The following VAV2 variants were observed in gnomAD, a reference collection of about 807,000 sequenced individuals.
VAV2 encodes guanine nucleotide exchange factor VAV2.
VAV2 carries 67 observed loss-of-function variants against 132.5 expected under a neutral mutation model. The ratio of observed to expected loss-of-function variants is 0.51; its 90% CI spans 0.42 to 0.62. VAV2 has a LOEUF of 0.62. Among genes scored for constraint, VAV2 ranks in the 20% least tolerant of loss-of-function variants. VAV2 has a pLI of 0.00. For missense variants in VAV2, 938 were observed against 1,153.6 expected, an observed-to-expected ratio of 0.81 and a Z score of 2.71; for synonymous variants, 492 against 443.5, an observed-to-expected ratio of 1.11 and a Z score of -1.37.
intron 1 of VAV2, among the ~76,000 whole-genome samples, chr9:133,979,450 G>A (rs1458697948): frequency 6.6e-6 from 1 of 152,212 alleles, no homozygotes; most frequent in Non-Finnish European, 1.5e-5. Context: ...GGGTCCCCAG[G>A]CAGGGGCTGC....
intron 2 of VAV2, among the ~76,000 whole-genome samples, chr9:133,913,881 G>A (rs1839966874): frequency 6.6e-6 from 1 of 152,208 alleles, no homozygotes; most frequent in African/African-American, 2.4e-5. Flanking sequence ...GGTGGAGCCC[G>A]CAGCAGACAG....
Position 133,771,956 on chromosome 9 carries a change from T to G in VAV2, c.2223+3A>C. On this transcript the variant is annotated splice_donor_region_variant and intron_variant, in intron 26 of 29. Transcript: ENST00000371850. ...GAGCCGGCCGGAGCCAGAAGTCACC[T>G]ACCAGGAGGCTGTCGAATTTCTTGG... 6.3e-7 allele frequency: 1 copy of G among 1,587,242 alleles called. No individual in the cohort carries two copies. Among genetic ancestry groups the G allele is most frequent in the Non-Finnish European group, 8.6e-7 (1 of 1,162,798 alleles).
Position 133,824,972 on chromosome 9 carries a change from C to T in VAV2, c.449+9300G>A, listed in dbSNP as rs1442115229. 2.0e-5 allele frequency among the ~76,000 whole-genome samples: 3 copies of T among 152,212 alleles called. No homozygotes were observed. Among genetic ancestry groups the T allele is most frequent in the Non-Finnish European group, 4.4e-5 (3 of 68,036 alleles). The stretch of plus-strand genomic sequence containing the variant: ...CGCTGGCTTCATTCACTCCATTCTG[C>T]CAGTCCCCACAGAGGCCTGGCCTCA... On this transcript the variant is annotated intron_variant, in intron 4 of 29. Transcript: ENST00000371850. The surrounding 1 kb of genome is among the most constrained non-coding windows in gnomAD (Gnocchi z 5.2).
In VAV2 at chr9:133,885,159, T is replaced by G. The variant is rs1588312467; in HGVS notation, c.322-23727A>C. Among the ~76,000 whole-genome samples the G allele has an allele frequency of 6.6e-6, 1 of 152,338 alleles. No homozygotes were observed. Among genetic ancestry groups the G allele is most frequent in the East Asian group, 1.9e-4 (1 of 5,186 alleles). ...AATGCATGAATCTTCTCTGAACCAG[T>G]GACTTCATTTGCTCCAGTGTCCTGC... On this transcript the variant is annotated intron_variant, in intron 2 of 29. Transcript: ENST00000371850. The surrounding 1 kb of genome is among the most constrained non-coding windows in gnomAD (Gnocchi z 5.0).
At chr9:133,908,681 G>A (rs529826128) in intron 2 of VAV2, among the ~76,000 whole-genome samples, 1 of 152,378 alleles carries the variant, frequency 6.6e-6, no homozygotes, top group East Asian at 1.9e-4. Flanking sequence ...GCAGGCTGTA[G>A]TGGGTCTGCG....
At chr9:133,963,242 A>G (rs1842021294) in intron 1 of VAV2, among the ~76,000 whole-genome samples, 1 of 152,182 alleles carries the variant, frequency 6.6e-6, no homozygotes, top group Admixed American at 6.5e-5. Context: ...TCAATTAATG[A>G]TCAGTCAATC....
At chr9:133,939,315 C>G (rs1227242287) in intron 1 of VAV2, 96 bp from the exon 2 acceptor site, 9 of 1,084,198 alleles carry the variant, frequency 8.3e-6, no homozygotes, top group Non-Finnish European at 1.3e-5. Flanking sequence ...CTCTGGCTTC[C>G]GTGCGCCAGC....
intron 8 of VAV2, 149 bp from the exon 9 acceptor site, chr9:133,806,330 G>T (rs1835142065): frequency 4.5e-6 from 3 of 673,332 alleles, no homozygotes; most frequent in Non-Finnish European, 7.6e-6. Flanking sequence ...CTCTGTGCAT[G>T]CCAGGGTGTG....
At chr9:133,989,731 A>G (rs1200865204) in intron 1 of VAV2, among the ~76,000 whole-genome samples, 4 of 152,246 alleles carry the variant, frequency 2.6e-5, no homozygotes, top group Admixed American at 6.5e-5. Flanking sequence ...AACACCAGCC[A>G]CACAGAGAAA....
At chr9:133,954,588 G>A (rs1225061885) in intron 1 of VAV2, among the ~76,000 whole-genome samples, 1 of 152,260 alleles carries the variant, frequency 6.6e-6, no homozygotes, top group Non-Finnish European at 1.5e-5. Context: ...CTGTGGCACT[G>A]CAGCCAAGCA....
Position 133,879,732 on chromosome 9 carries a change from A to T in VAV2, c.322-18300T>A, listed in dbSNP as rs1588305588. Reference sequence around the variant, plus strand: ...AAGCAGAACCTATCCGAGAATCCCTACCGCCTTGCGAGCTGCAAGTCCGAT... The same window carrying T: ...AAGCAGAACCTATCCGAGAATCCCTTCCGCCTTGCGAGCTGCAAGTCCGAT... On this transcript the variant is annotated intron_variant, in intron 2 of 29. Transcript: ENST00000371850. This position sits in a 1 kb window ranked among gnomAD's most constrained non-coding sequence, Gnocchi z 4.4. 6.6e-6 allele frequency among the ~76,000 whole-genome samples: 1 copy of T among 151,908 alleles called. No individual in the cohort carries two copies. Among genetic ancestry groups the T allele is most frequent in the African/African-American group, 2.4e-5 (1 of 41,352 alleles).
chr9:133,962,976 G>A (rs538239364), intron 1 of VAV2, among the ~76,000 whole-genome samples: 6 of 152,210 alleles, frequency 3.9e-5, no homozygotes, highest in Non-Finnish European at 7.4e-5. Context: ...TCGCCAAGAG[G>A]TTTGACTTTT....
intron 25 of VAV2, among the ~76,000 whole-genome samples, 178 bp from the exon 26 acceptor site, chr9:133,772,224 C>T (rs1175503395): frequency 1.3e-5 from 2 of 152,220 alleles, no homozygotes; most frequent in Admixed American, 1.3e-4. Flanking sequence ...CCAGACAGCT[C>T]CTGCCACCTG....
rs1833531093 is a variant in VAV2 at position 133,769,126 on chromosome 9, G to C, written c.2434+291C>G. Among the ~76,000 whole-genome samples the C allele has an allele frequency of 6.6e-6, 1 of 152,230 alleles. No individual in the cohort carries two copies. The highest frequency in any genetic ancestry group is 2.1e-4 in the South Asian group (1 of 4,834). ...TGCTACCAGAGGCAAAGCTCTTGAT[G>C]AACAAGGAGGAATGACAGTGGACGG... On this transcript the variant is annotated intron_variant, in intron 28 of 29. Transcript: ENST00000371850. This position sits in a 1 kb window ranked among gnomAD's most constrained non-coding sequence, Gnocchi z 8.1.
rs1447389852 is a variant in VAV2, at chr9:133,981,070, A to G, written c.204+11005T>C. On this transcript the variant is annotated intron_variant, in intron 1 of 29. Coordinates refer to ENST00000371850, the MANE Select transcript of VAV2 (RefSeq NM_001134398.2). The stretch of plus-strand genomic sequence containing the variant: ...CAACAGCAAAGCCTGCACGTGCCCC[A>G]TCTTCGCCCAGTCAAACCCAGGAGG... Among the ~76,000 whole-genome samples the G allele has an allele frequency of 2.6e-5, 4 of 152,154 alleles. No homozygotes were observed. The East Asian group carries it at 5.8e-4, about 22-fold the overall frequency.
At chr9:133,938,940 G>C (rs1263628065) in intron 2 of VAV2, among the ~76,000 whole-genome samples, 163 bp downstream of exon 2, 1 of 152,218 alleles carries the variant, frequency 6.6e-6, no homozygotes, top group Non-Finnish European at 1.5e-5. Flanking sequence ...CTTCCTGTTT[G>C]TAACAGGACC....
chr9:133,907,204 C>T (rs1488088558), intron 2 of VAV2, among the ~76,000 whole-genome samples: 3 of 152,228 alleles, frequency 2.0e-5, no homozygotes, highest in African/African-American at 7.2e-5. Flanking sequence ...CACATGCGGC[C>T]CCAGCACCTC....
chr9:133,953,943 CCT>C (rs375537096), intron 1 of VAV2, among the ~76,000 whole-genome samples: 4 of 152,302 alleles, frequency 2.6e-5, no homozygotes, highest in African/African-American at 9.6e-5. Flanking sequence ...ACAGCCAGCA[CCT>C]GACAGGCAGC....
intron 2 of VAV2, among the ~76,000 whole-genome samples, chr9:133,910,815 C>A (rs1839855050): frequency 8.4e-6 from 1 of 119,680 alleles, no homozygotes; most frequent in Non-Finnish European, 1.7e-5. Flanking sequence ...CAGAGCGAGA[C>A]TCGGTCTCAA....
Sources: gnomAD v4.1 joint callset for allele counts (sites outside exome capture counted in the v4.1 genomes callset) on GRCh38, gnomAD v4.1.1 for gene constraint, Gnocchi (gnomAD v3.1) non-coding constraint, MANE v1.5 for transcripts, NCBI Gene and HGNC (gene_info 2026-07-23, HGNC 2026-07-21) for gene names.